TBX10: variants seen among roughly 807,000 people sequenced by gnomAD.
TBX10 encodes the protein T-box transcription factor 10.
TBX10 carries 26 observed loss-of-function variants against 32.4 expected under a neutral mutation model. That is an observed-to-expected ratio of 0.80 (90% CI 0.59 to 1.11). The LOEUF (loss-of-function observed/expected upper bound fraction) is 1.11. Among genes scored for constraint, TBX10 ranks in the 50% most tolerant of loss-of-function variants. The pLI is 0.00. For synonymous variants in TBX10, 195 were observed against 203.1 expected, an observed-to-expected ratio of 0.96 and a Z score of 0.34; for missense variants, 490 against 494.5, an observed-to-expected ratio of 0.99 and a Z score of 0.09.
intron 5 of TBX10, 35 bp from the exon 6 acceptor site, chr11:67,632,705 T>C (rs1273048610): frequency 1.2e-6 from 2 of 1,612,728 alleles, no homozygotes. Context: ...GGGCTGGCCA[T>C]GAGCCAGGCT....
chr11:67,638,500 G>GA (rs562488772), intron 1 of TBX10, among the ~76,000 whole-genome samples: 76 of 152,298 alleles, frequency 5.0e-4, no homozygotes, highest in African/African-American at 1.8e-3. Context: ...GCAGAGGGGG[G>GA]TGCTGGGTGT....
chr11:67,641,234 G>A (rs1448829445), upstream of TBX10, among the ~76,000 whole-genome samples: 1 of 150,840 alleles, frequency 6.6e-6, no homozygotes, highest in African/African-American at 2.4e-5. Context: ...CCCCTGATAC[G>A]TGTGTGTGTG....
intron 1 of TBX10, among the ~76,000 whole-genome samples, chr11:67,638,240 T>TAA (rs1855357489): frequency 2.8e-5 from 4 of 141,264 alleles, no homozygotes; most frequent in Admixed American, 1.4e-4. Flanking sequence ...TAAATAAATA[T>TAA]AAATAAATAA....
chr11:67,632,009 C>T (rs1338045671), intron 7 of TBX10, 115 bp from the exon 8 acceptor site: 16 of 1,428,526 alleles, frequency 1.1e-5, no homozygotes, highest in East Asian at 9.9e-5. Context: ...TCTCAGCCTT[C>T]GCCTTTGCTT....
At chr11:67,639,393 T>TTGCCCCCCCCCCCC in intron 1 of TBX10, 73 bp downstream of exon 1, 4 of 726,918 alleles carry the variant, frequency 5.5e-6, no homozygotes, top group Non-Finnish European at 1.0e-5. Flanking sequence ...CTGTCTTGGT[T>TTGCCCCCCCCCCCC]CCCACCCTGC....
chr11:67,634,570 T>C (rs75273047), intron 3 of TBX10, among the ~76,000 whole-genome samples: 2,836 of 152,318 alleles, frequency 0.019, 91 homozygotes, highest in African/African-American at 0.065. Flanking sequence ...TAACCCCTGC[T>C]GCCCTGGGCT....
intron 3 of TBX10, 91 bp downstream of exon 3, chr11:67,634,725 G>A: frequency 1.4e-6 from 2 of 1,385,306 alleles, no homozygotes; most frequent in Non-Finnish European, 2.0e-6. Context: ...TGTTTGGACA[G>A]GCCCCTGCCT....
chr11:67,635,512 G>A (rs1855316111), intron 1 of TBX10, among the ~76,000 whole-genome samples: 1 of 152,200 alleles, frequency 6.6e-6, no homozygotes, highest in African/African-American at 2.4e-5. Flanking sequence ...GCCATCTTGT[G>A]TCTATGTGGC....
At chr11:67,634,136 C>G in intron 4 of TBX10, 53 bp downstream of exon 4, 1 of 1,604,492 alleles carries the variant, frequency 6.2e-7, no homozygotes, top group Non-Finnish European at 8.5e-7. Flanking sequence ...CACCAAAGTC[C>G]CTACCAGCCC....
chr11:67,636,696 C>T (rs1410865529), intron 1 of TBX10, among the ~76,000 whole-genome samples: 1 of 151,820 alleles, frequency 6.6e-6, no homozygotes, highest in East Asian at 1.9e-4. Flanking sequence ...CGGGATTTCA[C>T]CATGTTGTCT....
In TBX10 at chr11:67,631,714, AG is replaced by A. The variant is rs2134097558; in HGVS notation, c.1048del (p.Leu350SerfsTer118). 1.2e-6 allele frequency: 2 copies of A among 1,608,968 alleles called. No individual in the cohort carries two copies. Among genetic ancestry groups the A allele is most frequent in the Admixed American group, 1.7e-5 (1 of 59,304 alleles). ...IPRTRPAPYPLPNIRADRDQG... is the reference protein window; with the variant it reads ...IPRTRPAPYPXPNIRADRDQG... The stretch of plus-strand genomic sequence containing the variant: ...ATCCCTATCAGCCCGGATGTTGGGG[AG>A]GGGGTATGGTGCTGGTCGGGTCCTT... On this transcript the variant is annotated frameshift_variant, in exon 8 of 8. Coordinates refer to ENST00000335385, the MANE Select transcript of TBX10 (RefSeq NM_005995.5). LOFTEE classifies it low-confidence loss of function (END_TRUNC).
rs537518715 is a variant in TBX10, at chr11:67,639,596, C to T, written c.-124G>A. 63 of 1,306,772 alleles carry T rather than the reference C, an allele frequency of 4.8e-5. No individual in the cohort carries two copies. In the East Asian group the frequency reaches 1.5e-3, roughly 32 times the overall value. The allele number at this position is 1,306,772 out of a possible 1,614,324, so 80.9% of individuals were successfully genotyped here. A position where few individuals can be genotyped will look rare whatever the true frequency, so the allele number is the denominator to read the frequency against. On this transcript the variant is annotated 5_prime_UTR_variant, in exon 1 of 8. It adds an upstream start codon to the 5' untranslated region. Transcript: ENST00000335385. Reference sequence around the variant, plus strand: ...CCTCAGCTCAGCCCTCAGGTGCTCACACAAGCTGTAGTCTCTCGGCAGGAC... The same window carrying T: ...CCTCAGCTCAGCCCTCAGGTGCTCATACAAGCTGTAGTCTCTCGGCAGGAC...
chr11:67,638,413 G>A lies in TBX10; in HGVS notation c.7+1053C>T, dbSNP rs1268267520. Among the ~76,000 whole-genome samples the A allele has an allele frequency of 2.0e-5, 3 of 152,178 alleles. No individual in the cohort carries two copies. In the East Asian group the frequency reaches 5.8e-4, roughly 29 times the overall value. On this transcript the variant is annotated intron_variant, in intron 1 of 7. Transcript: ENST00000335385. ...ACAGTGGCTGGGAGTCAGGGGACAA[G>A]GTTTTATTCCCAGCTGTGTCCCCAC... is the stretch of plus-strand genomic sequence containing the variant.
chr11:67,639,529 C>A lies in TBX10; in HGVS notation c.-57G>T, dbSNP rs982729793. ...AACACTGCTTGGCTGGGGCTGGGAACCTGCCTGCTGGAAGGGGTGGTCACC... is the reference window on the plus strand; with the variant it reads ...AACACTGCTTGGCTGGGGCTGGGAAACTGCCTGCTGGAAGGGGTGGTCACC... On this transcript the variant is annotated 5_prime_UTR_variant, in exon 1 of 8. Transcript: ENST00000335385. The A allele has an allele frequency of 4.4e-5, 71 of 1,611,152 alleles. No individual in the cohort carries two copies. Among genetic ancestry groups the A allele is most frequent in the Non-Finnish European group, 5.6e-5 (66 of 1,179,108 alleles).
intron 3 of TBX10, among the ~76,000 whole-genome samples, 159 bp from the exon 4 acceptor site, chr11:67,634,519 C>T (rs140628983): frequency 6.6e-6 from 1 of 152,336 alleles, no homozygotes; most frequent in Non-Finnish European, 1.5e-5. Context: ...CTGTTGAGAC[C>T]TGAGTTCCCT....
chr11:67,635,301 AC>A (rs1565234625), intron 1 of TBX10, 38 bp from the exon 2 acceptor site: 5 of 1,611,676 alleles, frequency 3.1e-6, no homozygotes, highest in East Asian at 2.2e-5. Context: ...CCCACGCATC[AC>A]CCAGCCAGCT....
rs376354468 is a variant in TBX10 at position 67,634,374 on chromosome 11, C to A, written c.378-14G>T. ...TGGAAGGCATACCTGGGGAGCACAG[C>A]GAGGTGGTGAGGGCTTCCCCAACCA... On this transcript the variant is annotated splice_polypyrimidine_tract_variant and intron_variant, in intron 3 of 7. Transcript: ENST00000335385. The A allele has an allele frequency of 6.9e-6, 11 of 1,600,310 alleles. No homozygotes were observed. Among genetic ancestry groups the A allele is most frequent in the African/African-American group, 5.3e-5 (4 of 75,042 alleles).
intron 4 of TBX10, 41 bp from the exon 5 acceptor site, chr11:67,633,144 G>A (rs77633476): frequency 0.052 from 82,667 of 1,597,840 alleles, 2,533 homozygotes; most frequent in Non-Finnish European, 0.061. Context: ...GTGAGGCGGA[G>A]TACAGCGGAC....
rs1049707339 is a variant in TBX10 at position 67,639,725 on chromosome 11, G to A, written c.-253C>T. On this transcript the variant is annotated 5_prime_UTR_variant, in exon 1 of 8. It adds an upstream start codon to the 5' untranslated region. Transcript: ENST00000335385. Reference sequence around the variant, plus strand: ...GAAGGTGAGATGCAGGCTCTGGGGCGTGCAGCGGCCCTTCTCCAAGCCACT... The same window carrying A: ...GAAGGTGAGATGCAGGCTCTGGGGCATGCAGCGGCCCTTCTCCAAGCCACT... 2.6e-5 allele frequency among the ~76,000 whole-genome samples: 4 copies of A among 152,342 alleles called. No homozygotes were observed. The highest frequency in any genetic ancestry group is 4.1e-4 in the South Asian group (2 of 4,828).
Sources: gnomAD v4.1 joint callset for allele counts (sites outside exome capture counted in the v4.1 genomes callset) on GRCh38, gnomAD v4.1.1 for gene constraint, MANE v1.5 for transcripts, NCBI Gene and HGNC (gene_info 2026-07-23, HGNC 2026-07-21) for gene names.